Variants in LPP observed in about 807,000 individuals in gnomAD.
The protein encoded by LPP is LIM domain containing preferred translocation partner in lipoma.
Under a neutral mutation model 60.4 loss-of-function variants are expected in LPP, and 38 were observed. The ratio of observed to expected loss-of-function variants is 0.63; its 90% CI spans 0.49 to 0.83. LPP has a LOEUF of 0.83. Among genes scored for constraint, LPP ranks in the 40% least tolerant of loss-of-function variants. The pLI, the probability that LPP is intolerant of heterozygous loss-of-function variation, is 0.00. For synonymous variants in LPP, 328 were observed against 290.8 expected (o/e 1.13, Z -1.30); for missense variants, 902 against 783.6 (o/e 1.15, Z -1.80).
chr3:188,258,826 G>A (rs1732584498), intron 2 of LPP, among the ~76,000 whole-genome samples: 1 of 152,168 alleles, frequency 6.6e-6, no homozygotes, highest in Non-Finnish European at 1.5e-5. Flanking sequence ...ATCTTATGAT[G>A]TTACCATTCC....
chr3:188,695,645 C>CA (rs1863089193), intron 7 of LPP, among the ~76,000 whole-genome samples: 1 of 152,164 alleles, frequency 6.6e-6, no homozygotes, highest in Non-Finnish European at 1.5e-5. Context: ...AAGGGGGGAA[C>CA]AAAAAACTTG....
chr3:188,624,066 C>A (rs913279358), intron 7 of LPP, among the ~76,000 whole-genome samples: 13 of 152,176 alleles, frequency 8.5e-5, no homozygotes, highest in African/African-American at 2.9e-4. Flanking sequence ...AGATGCAAGA[C>A]AAGCTAAAGA....
intron 2 of LPP, among the ~76,000 whole-genome samples, chr3:188,288,995 TA>T (rs1745055352): frequency 6.6e-6 from 1 of 152,100 alleles, no homozygotes; most frequent in African/African-American, 2.4e-5. Context: ...CCTTATTTCT[TA>T]GGAAATGTAT....
At chr3:188,254,880 C>T (rs993197021) in intron 2 of LPP, among the ~76,000 whole-genome samples, 4 of 152,150 alleles carry the variant, frequency 2.6e-5, no homozygotes, top group Admixed American at 2.0e-4. Flanking sequence ...CTGGAGGCCT[C>T]GTCTGTCTCA....
chr3:188,564,737 A>T (rs1462448267), intron 6 of LPP, among the ~76,000 whole-genome samples: 2 of 151,892 alleles, frequency 1.3e-5, no homozygotes, highest in Non-Finnish European at 2.9e-5. Context: ...GGAGACTTGG[A>T]ATATCATTGA....
chr3:188,453,758 A>G (rs938194001), intron 4 of LPP, among the ~76,000 whole-genome samples: 5 of 152,016 alleles, frequency 3.3e-5, no homozygotes, highest in Non-Finnish European at 7.4e-5. Context: ...GCTGAAAGTT[A>G]TTTTGATTTC....
At chr3:188,488,403 G>A (rs1196102075) in intron 5 of LPP, among the ~76,000 whole-genome samples, 1 of 152,082 alleles carries the variant, frequency 6.6e-6, no homozygotes, top group East Asian at 1.9e-4. Context: ...AACAGGGGAA[G>A]GATTTGGTTT....
chr3:188,871,940 T>C (rs1768212563), intron 10 of LPP, among the ~76,000 whole-genome samples: 2 of 152,208 alleles, frequency 1.3e-5, no homozygotes, highest in Admixed American at 6.5e-5. Flanking sequence ...TGTGTATGTG[T>C]GTTAGTATAC....
intron 2 of LPP, among the ~76,000 whole-genome samples, chr3:188,285,496 G>T (rs1743627325): frequency 6.6e-6 from 1 of 152,092 alleles, no homozygotes; most frequent in Non-Finnish European, 1.5e-5. Flanking sequence ...ATGGCTCACT[G>T]CAGTCTTGAA....
At chr3:188,422,261 T>G (rs1248730719) in intron 4 of LPP, among the ~76,000 whole-genome samples, 1 of 152,144 alleles carries the variant, frequency 6.6e-6, no homozygotes, top group East Asian at 1.9e-4. Flanking sequence ...AATCGCTAAG[T>G]AACAGAAAAT....
At chr3:188,356,584 G>A (rs1468508849) in intron 3 of LPP, among the ~76,000 whole-genome samples, 1 of 152,240 alleles carries the variant, frequency 6.6e-6, no homozygotes, top group East Asian at 1.9e-4. Flanking sequence ...CCTACCTGTT[G>A]GCATCACTGT....
intron 7 of LPP, among the ~76,000 whole-genome samples, chr3:188,647,112 T>A (rs1400143104): frequency 2.0e-5 from 3 of 152,240 alleles, no homozygotes; most frequent in Non-Finnish European, 4.4e-5. Flanking sequence ...ACCCCTGTTT[T>A]GAACTGTTCA....
intron 2 of LPP, among the ~76,000 whole-genome samples, chr3:188,285,149 C>T (rs1743496072): frequency 6.6e-6 from 1 of 152,060 alleles, no homozygotes; most frequent in East Asian, 1.9e-4. Flanking sequence ...GCTTTTTCCT[C>T]TGTAAATTAG....
chr3:188,593,884 G>A (rs1839462805), intron 6 of LPP, among the ~76,000 whole-genome samples: 1 of 152,162 alleles, frequency 6.6e-6, no homozygotes, highest in Admixed American at 6.6e-5. Flanking sequence ...TTGCTACTGT[G>A]AATTGTGCTG....
intron 7 of LPP, among the ~76,000 whole-genome samples, chr3:188,669,391 A>G (rs940605268): frequency 2.6e-5 from 4 of 152,108 alleles, no homozygotes; most frequent in African/African-American, 9.7e-5. Flanking sequence ...CCTGACTAAC[A>G]TGGTGAAACC....
chr3:188,598,550 T>C (rs1008047280), intron 6 of LPP, among the ~76,000 whole-genome samples: 23 of 152,142 alleles, frequency 1.5e-4, no homozygotes, highest in African/African-American at 4.8e-4. Context: ...ATAATCACAT[T>C]GCTAAAATCT....
intron 5 of LPP, among the ~76,000 whole-genome samples, chr3:188,523,838 A>T (rs966775938): frequency 1.1e-4 from 16 of 152,070 alleles, no homozygotes. Context: ...TTAAATTGTC[A>T]CTTTAAAAGG....
At chr3:188,203,092 G>T (rs1731543208) in intron 1 of LPP, among the ~76,000 whole-genome samples, 1 of 139,352 alleles carries the variant, frequency 7.2e-6, no homozygotes. Context: ...TTAAATTATA[G>T]TAAAAATATT....
chr3:188,447,268 C>G (rs556574514), intron 4 of LPP, among the ~76,000 whole-genome samples: 1 of 152,218 alleles, frequency 6.6e-6, no homozygotes, highest in East Asian at 1.9e-4. Context: ...TTTGTGAAAC[C>G]AGGGTTGAGA....
Sources: allele counts gnomAD v4.1 joint callset (sites outside exome capture counted in the v4.1 genomes callset), GRCh38; gene constraint gnomAD v4.1.1; transcripts MANE v1.5; gene names NCBI Gene and HGNC (gene_info 2026-07-23, HGNC 2026-07-21).